The following UBE2E1 variants were observed in gnomAD, a reference collection of about 807,000 sequenced individuals.
The protein encoded by UBE2E1 is ubiquitin-conjugating enzyme E2 E1.
UBE2E1 carries 6 observed loss-of-function variants against 21.4 expected under a neutral mutation model. The ratio of observed to expected loss-of-function variants is 0.28; its 90% CI spans 0.15 to 0.55. The LOEUF is 0.55. Among genes scored for constraint, UBE2E1 ranks in the 20% least tolerant of loss-of-function variants. The pLI is 0.93. For synonymous variants in UBE2E1, 87 were observed against 82.7 expected, an observed-to-expected ratio of 1.05 and a Z score of -0.28; for missense variants, 142 against 236.5, an observed-to-expected ratio of 0.60 and a Z score of 2.62.
chr3:23,807,185 T>C, intron 1 of UBE2E1, 52 bp from the exon 2 acceptor site: 1 of 1,464,604 alleles, frequency 6.8e-7, no homozygotes, highest in Admixed American at 2.5e-5. Flanking sequence ...GTTCCTTATT[T>C]ACACTGGCTG....
At chr3:23,820,146 T>C (rs2125286106) in intron 3 of UBE2E1, among the ~76,000 whole-genome samples, 1 of 152,340 alleles carries the variant, frequency 6.6e-6, no homozygotes, top group Middle Eastern at 3.4e-3. Context: ...ACATCCCATG[T>C]CACCAGTGAA....
Position 23,887,821 on chromosome 3 carries a change from A to C in UBE2E1, c.336+122A>C. 7.5e-7 allele frequency: 1 copy of C among 1,329,876 alleles called. No individual in the cohort carries two copies. The allele number at this position is 1,329,876 out of a possible 1,614,324, so 82.4% of individuals were successfully genotyped here. ...TTTATCTTATGTCCTAATAGATCTG[A>C]GTATTTTAACATATACAAAACACTT... On this transcript the variant is annotated intron_variant, in intron 4 of 5. Coordinates refer to ENST00000306627, the MANE Select transcript of UBE2E1 (RefSeq NM_003341.5). This position sits in a 1 kb window ranked among gnomAD's most constrained non-coding sequence, Gnocchi z 4.4.
rs1700599624 is a variant in UBE2E1 at position 23,863,733 on chromosome 3, T to C, written c.204-23834T>C. ...TTAGTAGAGATGGGGTTTCTCCATG[T>C]TGGTCAGGCTGGTCTCAAACTCCCG... On this transcript the variant is annotated intron_variant, in intron 3 of 5. Coordinates refer to ENST00000306627, the MANE Select transcript of UBE2E1 (RefSeq NM_003341.5). This position sits in a 1 kb window ranked among gnomAD's most constrained non-coding sequence, Gnocchi z 4.3. Among the ~76,000 whole-genome samples the C allele has an allele frequency of 1.3e-5, 2 of 152,080 alleles. No homozygotes were observed. The highest frequency in any genetic ancestry group is 6.6e-5 in the Admixed American group (1 of 15,262).
At position 23,876,716 on chromosome 3, in the gene UBE2E1, CAAGG is replaced by C. The variant is rs1345025005; in HGVS notation, c.204-10850_204-10847del. Among the ~76,000 whole-genome samples, 2 of 151,756 alleles carry C rather than the reference CAAGG, an allele frequency of 1.3e-5. No homozygotes were observed. The highest frequency in any genetic ancestry group is 2.9e-5 in the Non-Finnish European group (2 of 67,972). The stretch of plus-strand genomic sequence containing the variant: ...ATTTATTACTGCAAAGAGTTGTAGA[CAAGG>C]GAGGAGGGAGCTAAATAATATTAAT... On this transcript the variant is annotated intron_variant, in intron 3 of 5. Transcript: ENST00000306627. This position sits in a 1 kb window ranked among gnomAD's most constrained non-coding sequence, Gnocchi z 4.3.
rs897700625 is a variant in UBE2E1 at position 23,811,453 on chromosome 3, A to C, written c.153-7A>C. 10 of 1,613,206 alleles carry C rather than the reference A, an allele frequency of 6.2e-6. No homozygotes were observed. The highest frequency in any genetic ancestry group is 1.3e-5 in the African/African-American group (1 of 74,594). ...TGTGTTTGTCTTTCCCATTTCTCCC[A>C]CTCCAGAATTCAGAAGGAGCTGGCG... On this transcript the variant is annotated splice_region_variant and splice_polypyrimidine_tract_variant and intron_variant, in intron 2 of 5. Transcript: ENST00000306627.
chr3:23,819,022 C>T (rs573961618), intron 3 of UBE2E1, among the ~76,000 whole-genome samples: 40 of 152,148 alleles, frequency 2.6e-4, no homozygotes, highest in Admixed American at 1.5e-3. Context: ...CGGTGGCTTA[C>T]GCCTGTAGTC....
At chr3:23,885,855 C>T (rs1309639002) in intron 3 of UBE2E1, among the ~76,000 whole-genome samples, 2 of 151,790 alleles carry the variant, frequency 1.3e-5, no homozygotes, top group South Asian at 2.1e-4. Flanking sequence ...AGCAAAACTC[C>T]GCCTTAAAAA....
At chr3:23,832,124 A>G (rs981967269) in intron 3 of UBE2E1, among the ~76,000 whole-genome samples, 1 of 152,246 alleles carries the variant, frequency 6.6e-6, no homozygotes, top group African/African-American at 2.4e-5. Flanking sequence ...GCCATCTAGC[A>G]CAGGGTTTAG....
rs542270464 is a variant in UBE2E1, at chr3:23,828,817, A to C, written c.203+17307A>C. On this transcript the variant is annotated intron_variant, in intron 3 of 5. Transcript: ENST00000306627. ...CATAGTTCAATTTCATCTAAACCTT[A>C]TGTGATTTCAGTGTTTTCCTCAGAT... is the stretch of plus-strand genomic sequence containing the variant. Among the ~76,000 whole-genome samples the C allele has an allele frequency of 2.0e-5, 3 of 152,328 alleles. No homozygotes were observed. In the South Asian group the frequency reaches 6.2e-4, roughly 32 times the overall value.
chr3:23,887,552 A>C lies in UBE2E1; in HGVS notation c.204-15A>C. 6.3e-7 allele frequency: 1 copy of C among 1,596,202 alleles called. No homozygotes were observed. Among genetic ancestry groups the C allele is most frequent in the Non-Finnish European group, 8.5e-7 (1 of 1,175,388 alleles). ...AGTGCCACCATCTGCTTATTTGTTGACGTATTATTCACAGTGCTGGTCCCA... is the reference window on the plus strand; with the variant it reads ...AGTGCCACCATCTGCTTATTTGTTGCCGTATTATTCACAGTGCTGGTCCCA... On this transcript the variant is annotated splice_polypyrimidine_tract_variant and intron_variant, in intron 3 of 5. Coordinates refer to ENST00000306627, the MANE Select transcript of UBE2E1 (RefSeq NM_003341.5). The surrounding 1 kb of genome is among the most constrained non-coding windows in gnomAD (Gnocchi z 4.4).
intron 3 of UBE2E1, among the ~76,000 whole-genome samples, chr3:23,833,491 A>G (rs1275039018): frequency 2.0e-5 from 3 of 152,266 alleles, no homozygotes; most frequent in Non-Finnish European, 2.9e-5. Context: ...AGATACAAAT[A>G]AACACTGATT....
At chr3:23,873,643 G>A (rs1399474877) in intron 3 of UBE2E1, among the ~76,000 whole-genome samples, 1 of 152,196 alleles carries the variant, frequency 6.6e-6, no homozygotes, top group African/African-American at 2.4e-5. Context: ...CTACTCGGGA[G>A]GCTGAGGCAG....
chr3:23,864,729 T>C (rs1467385489), intron 3 of UBE2E1, among the ~76,000 whole-genome samples: 2 of 152,236 alleles, frequency 1.3e-5, no homozygotes, highest in Non-Finnish European at 2.9e-5. Context: ...TTTTTGATTT[T>C]TATGTTAGAA....
intron 3 of UBE2E1, among the ~76,000 whole-genome samples, chr3:23,848,575 C>G (rs1158564063): frequency 6.6e-6 from 1 of 151,854 alleles, no homozygotes; most frequent in Non-Finnish European, 1.5e-5. Context: ...GCTTAATAAG[C>G]TTGGAGGAAG....
Position 23,887,063 on chromosome 3 carries a change from G to A in UBE2E1, c.204-504G>A, listed in dbSNP as rs1343921077. Among the ~76,000 whole-genome samples the A allele has an allele frequency of 6.6e-6, 1 of 152,140 alleles. No individual in the cohort carries two copies. The highest frequency in any genetic ancestry group is 1.5e-5 in the Non-Finnish European group (1 of 68,026). On this transcript the variant is annotated intron_variant, in intron 3 of 5. Transcript: ENST00000306627. The surrounding 1 kb of genome is among the most constrained non-coding windows in gnomAD (Gnocchi z 4.4). ...TTACCATTCTCCTCCCACCTAACATGGACATACTTTTTACATTATAAACCA... is the reference window on the plus strand; with the variant it reads ...TTACCATTCTCCTCCCACCTAACATAGACATACTTTTTACATTATAAACCA...
At chr3:23,854,128 C>T (rs13094627) in intron 3 of UBE2E1, among the ~76,000 whole-genome samples, 80,422 of 151,466 alleles carry the variant, frequency 0.53, 21,654 homozygotes, top group Middle Eastern at 0.63. Context: ...TGTGGTAGTG[C>T]ATGCCTATAG....
Position 23,858,130 on chromosome 3 carries a change from C to T in UBE2E1, c.204-29437C>T, listed in dbSNP as rs72627031. ...CTCAGGCGCTTTCCCTGCGAAGGCTCTATGGCAGATACCACTTGGGGCTAT... is the reference window on the plus strand; with the variant it reads ...CTCAGGCGCTTTCCCTGCGAAGGCTTTATGGCAGATACCACTTGGGGCTAT... On this transcript the variant is annotated intron_variant, in intron 3 of 5. Coordinates refer to ENST00000306627, the MANE Select transcript of UBE2E1 (RefSeq NM_003341.5). Among the ~76,000 whole-genome samples, 651 of 152,214 alleles carry T rather than the reference C, an allele frequency of 4.3e-3. 16 individuals are homozygous for T. In the East Asian group the frequency reaches 0.049, roughly 12 times the overall value.
intron 3 of UBE2E1, among the ~76,000 whole-genome samples, chr3:23,835,012 A>G (rs1699948475): frequency 6.6e-6 from 1 of 152,226 alleles, no homozygotes; most frequent in South Asian, 2.1e-4. Context: ...GAATAAGAGC[A>G]TAGAAAAAAA....
chr3:23,839,134 C>A (rs950627297), intron 3 of UBE2E1, among the ~76,000 whole-genome samples: 1 of 152,022 alleles, frequency 6.6e-6, no homozygotes, highest in Admixed American at 6.6e-5. Flanking sequence ...TATATTGTTA[C>A]TATTTTTGCT....
Sources: allele counts gnomAD v4.1 joint callset (sites outside exome capture counted in the v4.1 genomes callset), GRCh38; gene constraint gnomAD v4.1.1; non-coding constraint Gnocchi (gnomAD v3.1); transcripts MANE v1.5; gene names NCBI Gene and HGNC (gene_info 2026-07-23, HGNC 2026-07-21).